BCKDK: variants seen among roughly 807,000 people sequenced by gnomAD.
BCKDK encodes the protein branched-chain alpha-ketoacid dehydrogenase kinase.
BCKDK carries 28 observed loss-of-function variants against 43.9 expected under a neutral mutation model. The ratio of observed to expected loss-of-function variants is 0.64; its 90% CI spans 0.47 to 0.87. BCKDK has a LOEUF of 0.87. BCKDK is among the 40% of genes least tolerant of loss of function. BCKDK has a pLI of 0.00. For missense variants in BCKDK, 483 were observed against 581.4 expected, an observed-to-expected ratio of 0.83 and a Z score of 1.74; for synonymous variants, 257 against 234.3, an observed-to-expected ratio of 1.10 and a Z score of -0.88.
Position 31,112,764 on chromosome 16 carries a change from A to C in BCKDK, c.*499A>C. On this transcript the variant is annotated 3_prime_UTR_variant, in exon 12 of 12. Transcript: ENST00000219794. This position sits in a 1 kb window ranked among gnomAD's most constrained non-coding sequence, Gnocchi z 5.0. ...GAGTGGGATGACTGCAGCACCTTAT[A>C]CAAAGAGCTTTCATTCATCTTGTTG... 2 of 235,908 alleles carry C rather than the reference A, an allele frequency of 8.5e-6. No individual in the cohort carries two copies. Among genetic ancestry groups the C allele is most frequent in the Non-Finnish European group, 8.6e-6 (1 of 116,702 alleles). 14.6% of individuals were successfully genotyped at this position (235,908 alleles called of 1,614,324 possible).
In BCKDK at chr16:31,110,972, T is replaced by C; in HGVS notation, c.717-119T>C. 1 of 1,508,516 alleles carries C rather than the reference T, an allele frequency of 6.6e-7. No homozygotes were observed. The highest frequency in any genetic ancestry group is 9.0e-7 in the Non-Finnish European group (1 of 1,110,460). The allele number at this position is 1,508,516 out of a possible 1,614,324, so 93.4% of individuals were successfully genotyped here. On this transcript the variant is annotated intron_variant, in intron 8 of 11. Coordinates refer to ENST00000219794, the MANE Select transcript of BCKDK (RefSeq NM_005881.4). This position sits in a 1 kb window ranked among gnomAD's most constrained non-coding sequence, Gnocchi z 5.4. The stretch of plus-strand genomic sequence containing the variant: ...CCCTGGCGCCAGCAGTACTGCCTAG[T>C]TGTGACAAACAAAAATGTCTCTGCA...
downstream of BCKDK, among the ~76,000 whole-genome samples, chr16:31,113,920 C>G (rs1220620566): frequency 6.6e-6 from 1 of 152,146 alleles, no homozygotes; most frequent in Admixed American, 6.6e-5. Context: ...AAGGATGTGA[C>G]CTCAGGCAAA....
Position 31,111,917 on chromosome 16 carries a change from C to G in BCKDK, c.984C>G (p.Val328=). Residue 328 remains valine (V), a synonymous_variant, in exon 11 of 12, where the codon GTC becomes GTG. Transcript: ENST00000219794. ...GGIAHKDLDR[V]MDYHFTTAEA... ...TCGCTCACAAAGATCTGGACCGGGTCATGGACTACCACTTCACTACTGCTG... is the reference window on the plus strand; with the variant it reads ...TCGCTCACAAAGATCTGGACCGGGTGATGGACTACCACTTCACTACTGCTG... 2 of 1,614,196 alleles carry G rather than the reference C, an allele frequency of 1.2e-6. No individual in the cohort carries two copies. The highest frequency in any genetic ancestry group is 1.7e-6 in the Non-Finnish European group (2 of 1,180,036).
Position 31,108,612 on chromosome 16 carries a change from A to G in BCKDK, c.-178+133A>G, listed in dbSNP as rs1012559449. The G allele has an allele frequency of 6.6e-6, 1 of 152,274 alleles. No homozygotes were observed. The highest frequency in any genetic ancestry group is 2.4e-5 in the African/African-American group (1 of 41,432). The allele number at this position is 152,274 out of a possible 1,614,324, so 9.4% of individuals were successfully genotyped here. On this transcript the variant is annotated intron_variant, in intron 1 of 11. Coordinates refer to ENST00000219794, the MANE Select transcript of BCKDK (RefSeq NM_005881.4). This position sits in a 1 kb window ranked among gnomAD's most constrained non-coding sequence, Gnocchi z 6.2. Reference sequence around the variant, plus strand: ...GGGGGCATCCGGGCCGAACCAAGTGACCCGCGTGGGGGGTCCCGCTGGGGA... The same window carrying G: ...GGGGGCATCCGGGCCGAACCAAGTGGCCCGCGTGGGGGGTCCCGCTGGGGA...
rs1029440046 is a variant in BCKDK at position 31,109,166 on chromosome 16, C to T, written c.-58C>T. ...TTGCCCCATTTTGGGTCGCCTGGGT[C>T]CTCAGTCCTAGCGGATCCTCAGTCC... On this transcript the variant is annotated 5_prime_UTR_variant, in exon 2 of 12. Transcript: ENST00000219794. The surrounding 1 kb of genome is among the most constrained non-coding windows in gnomAD (Gnocchi z 5.3). The T allele has an allele frequency of 7.1e-7, 1 of 1,412,724 alleles. No homozygotes were observed. The highest frequency in any genetic ancestry group is 9.2e-7 in the Non-Finnish European group (1 of 1,081,566). 87.5% of individuals were successfully genotyped at this position (1,412,724 alleles called of 1,614,324 possible).
chr16:31,112,357 C>A lies in BCKDK; in HGVS notation c.*92C>A, dbSNP rs958065823. The A allele has an allele frequency of 6.4e-7, 1 of 1,570,006 alleles. No individual in the cohort carries two copies. Among genetic ancestry groups the A allele is most frequent in the Non-Finnish European group, 8.7e-7 (1 of 1,156,064 alleles). On this transcript the variant is annotated 3_prime_UTR_variant, in exon 12 of 12. Transcript: ENST00000219794. This position sits in a 1 kb window ranked among gnomAD's most constrained non-coding sequence, Gnocchi z 5.0. ...AGGCAGGGCGGCCCCCTGCTCCACA[C>A]ACTGCTGCATCTTGGGTCTCAGGGA...
Position 31,110,871 on chromosome 16 carries a change from G to C in BCKDK, c.716+110G>C. On this transcript the variant is annotated intron_variant, in intron 8 of 11. Coordinates refer to ENST00000219794, the MANE Select transcript of BCKDK (RefSeq NM_005881.4). The surrounding 1 kb of genome is among the most constrained non-coding windows in gnomAD (Gnocchi z 5.4). ...CGGGGAGCAGGGTTTCTCAACCATGGCACTATTGACATTTCCAGCCAGATA... is the reference window on the plus strand; with the variant it reads ...CGGGGAGCAGGGTTTCTCAACCATGCCACTATTGACATTTCCAGCCAGATA... The C allele has an allele frequency of 7.0e-7, 1 of 1,421,628 alleles. No homozygotes were observed. The highest frequency in any genetic ancestry group is 9.8e-7 in the Non-Finnish European group (1 of 1,017,268). The allele number at this position is 1,421,628 out of a possible 1,614,324, so 88.1% of individuals were successfully genotyped here. A position where few individuals can be genotyped will look rare whatever the true frequency, so the allele number is the denominator to read the frequency against.
At position 31,112,104 on chromosome 16, in the gene BCKDK, C is replaced by T; in HGVS notation, c.1095-17C>T. The T allele has an allele frequency of 6.2e-7, 1 of 1,606,696 alleles. No individual in the cohort carries two copies. Among genetic ancestry groups the T allele is most frequent in the Non-Finnish European group, 8.5e-7 (1 of 1,175,420 alleles). On this transcript the variant is annotated splice_polypyrimidine_tract_variant and intron_variant, in intron 11 of 11. Coordinates refer to ENST00000219794, the MANE Select transcript of BCKDK (RefSeq NM_005881.4). This position sits in a 1 kb window ranked among gnomAD's most constrained non-coding sequence, Gnocchi z 5.0. ...AGCCTCTGAAGCCTCCTGTCCTGTC[C>T]CCCTGCCCACCCCCAGCTTTGGCTT...
chr16:31,112,628 ACT>A lies in BCKDK; in HGVS notation c.*364_*365del. 1 of 393,864 alleles carries A rather than the reference ACT, an allele frequency of 2.5e-6. No individual in the cohort carries two copies. The highest frequency in any genetic ancestry group is 4.9e-6 in the Non-Finnish European group (1 of 205,664). The allele number at this position is 393,864 out of a possible 1,614,324, so 24.4% of individuals were successfully genotyped here. On this transcript the variant is annotated 3_prime_UTR_variant, in exon 12 of 12. Transcript: ENST00000219794. The surrounding 1 kb of genome is among the most constrained non-coding windows in gnomAD (Gnocchi z 5.0). ...TTTGTTTCTGCCCCCATTCAGGTTCACTGAGCCCTTGGGTTGAACTGGTTCGT... is the reference window on the plus strand; with the variant it reads ...TTTGTTTCTGCCCCCATTCAGGTTCAGAGCCCTTGGGTTGAACTGGTTCGT...
At chr16:31,111,512 A>T (rs2057412315) in intron 10 of BCKDK, 123 bp downstream of exon 10, 3 of 1,113,282 alleles carry the variant, frequency 2.7e-6, no homozygotes, top group South Asian at 2.8e-5. Context: ...CTGACCAGAC[A>T]AACTATTCTC....
chr16:31,111,944 G>A lies in BCKDK; in HGVS notation c.1011G>A (p.Glu337=). ...RVMDYHFTTA[E]ASTQDPRISP... ...TGGACTACCACTTCACTACTGCTGA[G>A]GCCAGCACACAGGACCCCCGGATCA... Residue 337 remains glutamate, a synonymous_variant, in exon 11 of 12, where the codon GAG becomes GAA. Transcript: ENST00000219794. The A allele has an allele frequency of 1.9e-6, 3 of 1,614,152 alleles. No homozygotes were observed. The highest frequency in any genetic ancestry group is 2.2e-5 in the East Asian group (1 of 44,886).
rs2057397108 is a variant in BCKDK at position 31,109,996 on chromosome 16, A to G, written c.376-81A>G. 4 of 1,587,272 alleles carry G rather than the reference A, an allele frequency of 2.5e-6. No homozygotes were observed. The highest frequency in any genetic ancestry group is 2.6e-6 in the Non-Finnish European group (3 of 1,156,282). On this transcript the variant is annotated intron_variant, in intron 4 of 11. Coordinates refer to ENST00000219794, the MANE Select transcript of BCKDK (RefSeq NM_005881.4). The surrounding 1 kb of genome is among the most constrained non-coding windows in gnomAD (Gnocchi z 5.3). ...CACGTGGTCGACCAGCTGGGTGGTG[A>G]TCCCCATGGGTAGGTGGGGGTGGCT...
chr16:31,110,502 G>T lies in BCKDK; in HGVS notation c.642+3G>T, dbSNP rs2057402883. ...ACCTGGCGCTGCATGAGGACAAGGTGGGGCTCTGGGACCTGAGACCCACCT... is the reference window on the plus strand; with the variant it reads ...ACCTGGCGCTGCATGAGGACAAGGTTGGGCTCTGGGACCTGAGACCCACCT... On this transcript the variant is annotated splice_donor_region_variant and intron_variant, in intron 7 of 11. Coordinates refer to ENST00000219794, the MANE Select transcript of BCKDK (RefSeq NM_005881.4). This position sits in a 1 kb window ranked among gnomAD's most constrained non-coding sequence, Gnocchi z 5.4. 4 of 1,613,686 alleles carry T rather than the reference G, an allele frequency of 2.5e-6. No homozygotes were observed. In the East Asian group the frequency reaches 8.9e-5, roughly 36 times the overall value.
rs1415332096 is a variant in BCKDK, at chr16:31,109,521, G to A, written c.206G>A (p.Arg69His). Residue 69 changes from arginine to histidine, a missense_variant, in exon 3 of 12, where the codon CGC becomes CAC. Transcript: ENST00000219794. The surrounding 1 kb of genome is among the most constrained non-coding windows in gnomAD (Gnocchi z 5.3). ...IDAAAEKPSV[R>H]LTPTMMLYAG... is the part of the protein sequence containing the mutation. ...TCTCTCCCTCTCTAGCCCTCAGTCCGCCTAACGCCCACCATGATGCTCTAC... is the reference window on the plus strand; with the variant it reads ...TCTCTCCCTCTCTAGCCCTCAGTCCACCTAACGCCCACCATGATGCTCTAC... 11 of 1,613,936 alleles carry A rather than the reference G, an allele frequency of 6.8e-6. No individual in the cohort carries two copies. Among genetic ancestry groups the A allele is most frequent in the Non-Finnish European group, 9.3e-6 (11 of 1,180,022 alleles).
At position 31,112,447 on chromosome 16, in the gene BCKDK, C is replaced by G; in HGVS notation, c.*182C>G. The G allele has an allele frequency of 1.0e-6, 1 of 1,001,494 alleles. No individual in the cohort carries two copies. The highest frequency in any genetic ancestry group is 1.5e-6 in the Non-Finnish European group (1 of 663,756). 62.0% of individuals were successfully genotyped at this position (1,001,494 alleles called of 1,614,324 possible). A position where few individuals can be genotyped will look rare whatever the true frequency, so the allele number is the denominator to read the frequency against. ...GCCTCAACAGGGTCCATTGCCTCCTCGCCTCCAGAACTTGGAGCAGGGAAG... is the reference window on the plus strand; with the variant it reads ...GCCTCAACAGGGTCCATTGCCTCCTGGCCTCCAGAACTTGGAGCAGGGAAG... On this transcript the variant is annotated 3_prime_UTR_variant, in exon 12 of 12. Transcript: ENST00000219794. The surrounding 1 kb of genome is among the most constrained non-coding windows in gnomAD (Gnocchi z 5.0).
downstream of BCKDK, chr16:31,117,369 A>AAAATAAAT (rs533043650): frequency 0.042 from 6,150 of 146,506 alleles, 427 homozygotes; most frequent in African/African-American, 0.15. Flanking sequence ...ATTCCGTCTC[A>AAAATAAAT]AAATAAATAA....
rs1420088912 is a variant in BCKDK, at chr16:31,108,810, A to C, written c.-177-237A>C. 6.5e-6 allele frequency: 1 copy of C among 155,006 alleles called. No homozygotes were observed. The highest frequency in any genetic ancestry group is 1.4e-5 in the Non-Finnish European group (1 of 70,048). The allele number at this position is 155,006 out of a possible 1,614,324, so 9.6% of individuals were successfully genotyped here. On this transcript the variant is annotated intron_variant, in intron 1 of 11. Coordinates refer to ENST00000219794, the MANE Select transcript of BCKDK (RefSeq NM_005881.4). This position sits in a 1 kb window ranked among gnomAD's most constrained non-coding sequence, Gnocchi z 6.2. The stretch of plus-strand genomic sequence containing the variant: ...CGCTGGGGCGAGGTTTTCGGGCTGG[A>C]AGGGTCTGAGGGGCTCCTCCCCCGA...
chr16:31,110,319 A>G lies in BCKDK; in HGVS notation c.538A>G (p.Ile180Val). ...AEGLRESRKH[I>V]EDEKLVRYFL... The stretch of plus-strand genomic sequence containing the variant: ...GGGCCTACGTGAGAGCCGGAAGCAC[A>G]TAGAGGTTGGGGCAGCAAAGGAGAG... Residue 180 changes from isoleucine to valine, a missense_variant, in exon 6 of 12, where the codon ATA becomes GTA. By Grantham distance (29) the Ile-to-Val change is conservative. Coordinates refer to ENST00000219794, the MANE Select transcript of BCKDK (RefSeq NM_005881.4). This position sits in a 1 kb window ranked among gnomAD's most constrained non-coding sequence, Gnocchi z 5.4. 2 of 1,613,968 alleles carry G rather than the reference A, an allele frequency of 1.2e-6. No individual in the cohort carries two copies. Among genetic ancestry groups the G allele is most frequent in the Non-Finnish European group, 8.5e-7 (1 of 1,179,938 alleles).
At chr16:31,113,988 G>A (rs1311751949), downstream of BCKDK, among the ~76,000 whole-genome samples, 1 of 152,184 alleles carries the variant, frequency 6.6e-6, no homozygotes, top group Non-Finnish European at 1.5e-5. Context: ...AAACCTCAGA[G>A]TTACTGATTA....
Sources: gnomAD v4.1 joint callset for allele counts (sites outside exome capture counted in the v4.1 genomes callset) on GRCh38, gnomAD v4.1.1 for gene constraint, Gnocchi (gnomAD v3.1) non-coding constraint, MANE v1.5 for transcripts, NCBI Gene and HGNC (gene_info 2026-07-23, HGNC 2026-07-21) for gene names.